ADAMTS12: variants seen among roughly 807,000 people sequenced by gnomAD.
ADAMTS12 encodes A disintegrin and metalloproteinase with thrombospondin motifs 12.
A neutral mutation model predicts 167.8 loss-of-function variants in ADAMTS12; 118 were observed. The ratio of observed to expected loss-of-function variants is 0.70; its 90% CI spans 0.61 to 0.82. The LOEUF is 0.82. ADAMTS12 is among the 40% of genes least tolerant of loss of function. The pLI is 0.00. For missense variants in ADAMTS12, 1,916 were observed against 1,998.8 expected (o/e 0.96, Z 0.79); for synonymous variants, 704 against 716.9 (o/e 0.98, Z 0.29).
intron 16 of ADAMTS12, among the ~76,000 whole-genome samples, chr5:33,606,240 G>A (rs1228737642): frequency 1.3e-5 from 2 of 152,182 alleles, no homozygotes; most frequent in Non-Finnish European, 2.9e-5. Context: ...GAGCCACTGC[G>A]CCCATCCCAG....
chr5:33,844,448 T>TCCATACCATCTTCC (rs1390501310), intron 2 of ADAMTS12, among the ~76,000 whole-genome samples: 1 of 152,034 alleles, frequency 6.6e-6, no homozygotes, highest in Non-Finnish European at 1.5e-5. Context: ...CCCCTTTGGG[T>TCCATACCATCTTCC]ATGGCCATCT....
intron 23 of ADAMTS12, among the ~76,000 whole-genome samples, chr5:33,534,540 C>T (rs1744277591): frequency 6.6e-6 from 1 of 152,094 alleles, no homozygotes; most frequent in Non-Finnish European, 1.5e-5. Flanking sequence ...AAGTAATTCT[C>T]ATCCATGTTG....
intron 3 of ADAMTS12, among the ~76,000 whole-genome samples, chr5:33,736,944 C>A (rs542768399): frequency 6.6e-6 from 1 of 152,280 alleles, no homozygotes; most frequent in East Asian, 1.9e-4. Flanking sequence ...GTTTTCATGC[C>A]TTTTCACTGT....
At chr5:33,807,578 T>C (rs920643621) in intron 2 of ADAMTS12, among the ~76,000 whole-genome samples, 2 of 152,238 alleles carry the variant, frequency 1.3e-5, no homozygotes, top group African/African-American at 2.4e-5. Flanking sequence ...AATCTGGTGG[T>C]GTTGACTTAA....
rs139251514 is a variant in ADAMTS12, at chr5:33,731,246, T to C, written c.634+20158A>G. On this transcript the variant is annotated intron_variant, in intron 3 of 23. Transcript: ENST00000504830. ...TCTCCACCAGGCTGGAGTCTAGTGGTGTGATCTCGGCTCACTGCAACCTCA... is the reference window on the plus strand; with the variant it reads ...TCTCCACCAGGCTGGAGTCTAGTGGCGTGATCTCGGCTCACTGCAACCTCA... Among the ~76,000 whole-genome samples, 401 of 151,800 alleles carry C rather than the reference T, an allele frequency of 2.6e-3. 4 individuals are homozygous for C. Among genetic ancestry groups the C allele is most frequent in the African/African-American group, 9.1e-3 (378 of 41,408 alleles).
At chr5:33,806,381 T>C (rs1220921341) in intron 2 of ADAMTS12, among the ~76,000 whole-genome samples, 3 of 152,230 alleles carry the variant, frequency 2.0e-5, no homozygotes, top group South Asian at 2.1e-4. Flanking sequence ...CCATTCATCA[T>C]GGCCAGCTAG....
At chr5:33,848,149 G>A (rs2017108) in intron 2 of ADAMTS12, among the ~76,000 whole-genome samples, 6,866 of 151,830 alleles carry the variant, frequency 0.045, 275 homozygotes, top group East Asian at 0.17. Flanking sequence ...TCCAGGAGGC[G>A]GAGGTTGCAA....
At chr5:33,701,946 C>G (rs930387912) in intron 3 of ADAMTS12, among the ~76,000 whole-genome samples, 1 of 152,186 alleles carries the variant, frequency 6.6e-6, no homozygotes, top group Non-Finnish European at 1.5e-5. Context: ...TTCAAGTTTC[C>G]TCTTAATGAG....
At chr5:33,533,304 C>T (rs1744208026) in intron 23 of ADAMTS12, among the ~76,000 whole-genome samples, 1 of 152,176 alleles carries the variant, frequency 6.6e-6, no homozygotes, top group East Asian at 1.9e-4. Context: ...AGAAGGGATT[C>T]TATAGCCTCA....
chr5:33,794,602 G>A (rs1483028391), intron 2 of ADAMTS12, among the ~76,000 whole-genome samples: 1 of 124,342 alleles, frequency 8.0e-6, no homozygotes, highest in Non-Finnish European at 1.8e-5. Flanking sequence ...GGAGACCGAG[G>A]TGCAGGTAGG....
chr5:33,707,052 A>T (rs890613069), intron 3 of ADAMTS12, among the ~76,000 whole-genome samples: 4 of 152,058 alleles, frequency 2.6e-5, no homozygotes, highest in African/African-American at 9.7e-5. Flanking sequence ...TATTTAGAAA[A>T]CCCCATCATC....
At chr5:33,595,698 C>T (rs13153550) in intron 17 of ADAMTS12, among the ~76,000 whole-genome samples, 59,755 of 152,092 alleles carry the variant, frequency 0.39, 12,504 homozygotes, top group South Asian at 0.58. Flanking sequence ...TTAGTCTTGC[C>T]AAATAATTAA....
chr5:33,568,689 A>C (rs1170181298), intron 19 of ADAMTS12, among the ~76,000 whole-genome samples: 1 of 152,232 alleles, frequency 6.6e-6, no homozygotes, highest in Non-Finnish European at 1.5e-5. Context: ...TGATTTCTGC[A>C]TTTCCATCTG....
chr5:33,649,225 G>A (rs1202282220), intron 8 of ADAMTS12, among the ~76,000 whole-genome samples: 1 of 152,180 alleles, frequency 6.6e-6, no homozygotes, highest in Non-Finnish European at 1.5e-5. Context: ...TCTCAATGAG[G>A]TTTGAATGAC....
chr5:33,713,737 T>A (rs992442814), intron 3 of ADAMTS12, among the ~76,000 whole-genome samples: 1 of 152,148 alleles, frequency 6.6e-6, no homozygotes, highest in Non-Finnish European at 1.5e-5. Flanking sequence ...CTTGTTTGGT[T>A]AGTCCACAAA....
chr5:33,799,620 G>A (rs1746914685), intron 2 of ADAMTS12, among the ~76,000 whole-genome samples: 2 of 152,316 alleles, frequency 1.3e-5, no homozygotes, highest in Middle Eastern at 3.4e-3. Context: ...GTTGTCAAGG[G>A]AACTAAGTAG....
chr5:33,793,607 CTT>C (rs906561419), intron 2 of ADAMTS12, among the ~76,000 whole-genome samples: 1 of 151,998 alleles, frequency 6.6e-6, no homozygotes, highest in African/African-American at 2.4e-5. Context: ...TTTACCCAAA[CTT>C]TTTTTTCTTA....
chr5:33,638,804 GA>G (rs954839587), intron 11 of ADAMTS12, among the ~76,000 whole-genome samples: 10 of 152,272 alleles, frequency 6.6e-5, no homozygotes, highest in South Asian at 2.1e-4. Context: ...TCTTATTTTA[GA>G]AAAATCACTT....
chr5:33,555,631 T>A (rs1042089434), intron 20 of ADAMTS12, among the ~76,000 whole-genome samples: 4 of 152,242 alleles, frequency 2.6e-5, no homozygotes, highest in African/African-American at 9.6e-5. Flanking sequence ...GTTTCATTTC[T>A]TTCTGAAAAG....
Sources: gnomAD v4.1 joint callset for allele counts (sites outside exome capture counted in the v4.1 genomes callset) on GRCh38, gnomAD v4.1.1 for gene constraint, MANE v1.5 for transcripts, NCBI Gene and HGNC (gene_info 2026-07-23, HGNC 2026-07-21) for gene names.